The following WIPF1 variants were observed in gnomAD, a reference collection of about 807,000 sequenced individuals.
WIPF1 encodes the protein WAS/WASL-interacting protein family member 1.
In WIPF1, 13 loss-of-function variants were observed where a neutral mutation model predicts 35.4. The ratio of observed to expected loss-of-function variants is 0.37; its 90% CI spans 0.24 to 0.58. The LOEUF is 0.58. Among genes scored for constraint, WIPF1 ranks in the 20% least tolerant of loss-of-function variants. The pLI is 0.74. For missense variants in WIPF1, 591 were observed against 667.0 expected (o/e 0.89, Z 1.25); for synonymous variants, 267 against 266.3 (o/e 1.00, Z -0.02).
chr2:174,605,097 A>G (rs1686116252), intron 1 of WIPF1, among the ~76,000 whole-genome samples: 1 of 152,220 alleles, frequency 6.6e-6, no homozygotes. Flanking sequence ...AAGCCAATGC[A>G]GTAAGAGCGA....
At chr2:174,572,505 A>C (rs552413856) in intron 4 of WIPF1, 59 bp from the exon 5 acceptor site, 2 of 1,603,944 alleles carry the variant, frequency 1.2e-6, no homozygotes, top group South Asian at 2.2e-5. Flanking sequence ...GAAATCAGAG[A>C]GCTAGAGTCT....
intron 1 of WIPF1, among the ~76,000 whole-genome samples, chr2:174,603,189 A>G (rs1320081646): frequency 1.3e-5 from 2 of 152,206 alleles, no homozygotes; most frequent in African/African-American, 4.8e-5. Flanking sequence ...AGAGGGAGAA[A>G]AACCAAGTGC....
At chr2:174,577,917 CAA>C (rs35709277) in intron 3 of WIPF1, among the ~76,000 whole-genome samples, 3 of 145,052 alleles carry the variant, frequency 2.1e-5, no homozygotes, top group Admixed American at 6.8e-5. Flanking sequence ...ACCCTGTCTC[CAA>C]AAAAAAAAAA....
Position 174,562,178 on chromosome 2 carries a change from G to A in WIPF1, c.*369C>T, listed in dbSNP as rs1307845448. 5 of 1,550,404 alleles carry A rather than the reference G, an allele frequency of 3.2e-6. No individual in the cohort carries two copies. The highest frequency in any genetic ancestry group is 1.4e-5 in the African/African-American group (1 of 73,044). ...CCAAGCATGCGAAAAAGGAACGGGA[G>A]AAAACAGCTCTCAGGGACTTTAATA... On this transcript the variant is annotated 3_prime_UTR_variant, in exon 8 of 8. Transcript: ENST00000679041.
chr2:174,571,592 GT>G lies in WIPF1; in HGVS notation c.1129+83del, dbSNP rs1684840845. The G allele has an allele frequency of 6.3e-7, 1 of 1,587,304 alleles. No homozygotes were observed. The highest frequency in any genetic ancestry group is 8.6e-7 in the Non-Finnish European group (1 of 1,156,148). ...TCTGAGTTTACTTATGCCTGCTTTT[GT>G]TAGACTATCTTGACTGACAGGATTA... On this transcript the variant is annotated intron_variant, in intron 5 of 7. Coordinates refer to ENST00000679041, the MANE Select transcript of WIPF1 (RefSeq NM_001375834.1). This position sits in a 1 kb window ranked among gnomAD's most constrained non-coding sequence, Gnocchi z 4.6.
intron 7 of WIPF1, among the ~76,000 whole-genome samples, chr2:174,565,386 C>T (rs1371192962): frequency 6.6e-6 from 1 of 152,114 alleles, no homozygotes; most frequent in Non-Finnish European, 1.5e-5. Flanking sequence ...TATTTTCTAA[C>T]TCTTTAAATT....
chr2:174,639,874 T>G (rs1687260791), intron 1 of WIPF1, among the ~76,000 whole-genome samples: 1 of 152,226 alleles, frequency 6.6e-6, no homozygotes, highest in African/African-American at 2.4e-5. Flanking sequence ...TATGTTGAGT[T>G]GATTTTTGTA....
intron 1 of WIPF1, among the ~76,000 whole-genome samples, chr2:174,667,213 C>T (rs1269568042): frequency 1.3e-5 from 2 of 152,220 alleles, no homozygotes; most frequent in Admixed American, 1.3e-4. Context: ...ATTTCCCACC[C>T]TCGAACAGTC....
At chr2:174,599,790 A>T (rs35914162), upstream of WIPF1, among the ~76,000 whole-genome samples, 1 of 59,134 alleles carries the variant, frequency 1.7e-5, no homozygotes, top group Non-Finnish European at 3.8e-5. Context: ...ACACACACAC[A>T]CACTCTCTCT....
At chr2:174,581,747 C>T (rs536841312) in intron 2 of WIPF1, among the ~76,000 whole-genome samples, 7 of 152,192 alleles carry the variant, frequency 4.6e-5, no homozygotes, top group South Asian at 2.1e-4. Context: ...TGACTAGACA[C>T]GAGAAAAGAA....
chr2:174,640,560 A>G (rs868283961), intron 1 of WIPF1, among the ~76,000 whole-genome samples: 1 of 151,996 alleles, frequency 6.6e-6, no homozygotes, highest in Non-Finnish European at 1.5e-5. Flanking sequence ...AAATATATGA[A>G]AAGATATCCC....
chr2:174,640,513 A>C (rs1441637297), intron 1 of WIPF1, among the ~76,000 whole-genome samples: 2 of 144,746 alleles, frequency 1.4e-5, no homozygotes, highest in Non-Finnish European at 3.0e-5. Context: ...AATAAAATTA[A>C]AAAAAAAACT....
chr2:174,641,830 C>T (rs1687300386), intron 1 of WIPF1, among the ~76,000 whole-genome samples: 1 of 152,208 alleles, frequency 6.6e-6, no homozygotes, highest in South Asian at 2.1e-4. Flanking sequence ...GCTTTATATA[C>T]ATATTTTCAT....
upstream of WIPF1, among the ~76,000 whole-genome samples, chr2:174,601,918 T>A (rs1029611791): frequency 2.0e-5 from 3 of 152,174 alleles, no homozygotes; most frequent in African/African-American, 7.2e-5. Flanking sequence ...TCATTTCAGG[T>A]TCGGGTGATA....
intron 1 of WIPF1, among the ~76,000 whole-genome samples, chr2:174,626,623 T>A (rs375013492): frequency 2.6e-5 from 4 of 152,220 alleles, no homozygotes; most frequent in African/African-American, 4.8e-5. Flanking sequence ...CTATTCTTAC[T>A]ACACTTAGGC....
In WIPF1 at chr2:174,667,742, G is replaced by A. The variant is rs115829179; in HGVS notation, c.-39+15032C>T. On this transcript the variant is annotated intron_variant, in intron 1 of 8. Transcript: ENST00000272746. ...CCTAGCAAGAGCCCTGCAGCTTGCC[G>A]GCCTCCAGGCTGAGGCTAGGCTGCC... Among the ~76,000 whole-genome samples, 604 of 150,814 alleles carry A rather than the reference G, an allele frequency of 4.0e-3. 7 individuals carry two copies. The highest frequency in any genetic ancestry group is 0.014 in the African/African-American group (581 of 40,204).
chr2:174,628,150 C>CA (rs1052677860), intron 1 of WIPF1, among the ~76,000 whole-genome samples: 4 of 151,970 alleles, frequency 2.6e-5, no homozygotes, highest in Admixed American at 6.6e-5. Context: ...CCGGAATCTA[C>CA]AAAAAAATGC....
chr2:174,602,260 G>T (rs1286799361), upstream of WIPF1, among the ~76,000 whole-genome samples: 1 of 152,200 alleles, frequency 6.6e-6, no homozygotes, highest in Non-Finnish European at 1.5e-5. Context: ...AAACAATAAT[G>T]TAGGTCTAGC....
intron 2 of WIPF1, among the ~76,000 whole-genome samples, chr2:174,583,502 T>C (rs1246834623): frequency 8.5e-5 from 13 of 152,176 alleles, no homozygotes; most frequent in Admixed American, 8.5e-4. Flanking sequence ...AAGGGCAGTG[T>C]TCTATGATGG....
Sources: gnomAD v4.1 joint callset for allele counts (sites outside exome capture counted in the v4.1 genomes callset) on GRCh38, gnomAD v4.1.1 for gene constraint, Gnocchi (gnomAD v3.1) non-coding constraint, MANE v1.5 for transcripts, NCBI Gene and HGNC (gene_info 2026-07-23, HGNC 2026-07-21) for gene names.